RAB9B: variants seen among roughly 807,000 people sequenced by gnomAD.
RAB9B encodes RAB9B, member RAS oncogene family.
In RAB9B, 1 loss-of-function variant was observed where a neutral mutation model predicts 8.9. The ratio of observed to expected loss-of-function variants is 0.11; its 90% confidence interval spans 0.04 to 0.53. The LOEUF (loss-of-function observed/expected upper bound fraction) is 0.53, where lower values mean the gene tolerates loss of function less well. Ranked by LOEUF, RAB9B falls within the 20% of genes least tolerant of loss-of-function variation. The pLI, the probability that RAB9B is intolerant of heterozygous loss-of-function variation, is 0.93. For missense variants in RAB9B, 82 were observed against 152.9 expected (o/e 0.54, Z 2.45); for synonymous variants, 63 against 57.0 (o/e 1.10, Z -0.47).
rs886782141 is a variant in RAB9B at position 103,828,030 on chromosome X, C to T, written c.-116-952G>A. Among the ~76,000 whole-genome samples the T allele has an allele frequency of 4.5e-5, 5 of 111,650 alleles. No individual in the cohort carries two copies. The Admixed American group carries it at 4.8e-4, about 11-fold the overall frequency. ...GTGTTATTAAATTTAAATATACATT[C>T]ATCTAATATTATAATTAATTATGGC... On this transcript the variant is annotated intron_variant, in intron 1 of 2. Transcript: ENST00000243298.
chrX:103,804,145 C>G, the RAB9B span, among the ~76,000 whole-genome samples: 3 of 112,106 alleles, frequency 2.7e-5, no homozygotes, highest in East Asian at 8.4e-4. Flanking sequence ...ACCTTTACAT[C>G]TATAATTCAT....
At chrX:103,780,435 C>CTGTGTGTGTGTGTGTG in the RAB9B span, among the ~76,000 whole-genome samples, 399 of 68,333 alleles carry the variant, frequency 5.8e-3, 2 homozygotes, top group Non-Finnish European at 8.2e-3. Context: ...CATTCTGTCT[C>CTGTGTGTGTGTGTGTG]TCTCTGTGTG....
At chrX:103,778,550 G>T in the RAB9B span, among the ~76,000 whole-genome samples, 1 of 111,327 alleles carries the variant, frequency 9.0e-6, no homozygotes, top group Non-Finnish European at 1.9e-5. Context: ...TTCCTCAGGG[G>T]ATGAAATCCC....
the RAB9B span, among the ~76,000 whole-genome samples, chrX:103,813,888 T>TA: frequency 9.2e-6 from 1 of 109,036 alleles, no homozygotes; most frequent in East Asian, 2.9e-4. Context: ...AAGAGCTAAC[T>TA]ATCCTAAATA....
the RAB9B span, among the ~76,000 whole-genome samples, chrX:103,812,294 G>C: frequency 9.0e-6 from 1 of 111,451 alleles, no homozygotes; most frequent in Non-Finnish European, 1.9e-5. Flanking sequence ...ATATTAATTA[G>C]GGAGATATAT....
the RAB9B span, among the ~76,000 whole-genome samples, chrX:103,804,923 A>G: frequency 9.0e-6 from 1 of 111,527 alleles, no homozygotes; most frequent in Non-Finnish European, 1.9e-5. Flanking sequence ...ACAATTTTTT[A>G]ATATATAAAA....
At chrX:103,783,328 T>A in the RAB9B span, among the ~76,000 whole-genome samples, 1 of 112,670 alleles carries the variant, frequency 8.9e-6, no homozygotes. Flanking sequence ...AAACTCAGCC[T>A]CCACTCACAG....
chrX:103,786,774 T>C, the RAB9B span: 3 of 1,181,568 alleles, frequency 2.5e-6, no homozygotes, highest in Middle Eastern at 2.4e-4. Context: ...TGGGGGAAAA[T>C]TGGGCGCGAG....
the RAB9B span, among the ~76,000 whole-genome samples, chrX:103,796,186 T>C: frequency 8.9e-6 from 1 of 112,512 alleles, no homozygotes; most frequent in Non-Finnish European, 1.9e-5. Flanking sequence ...TTCAAAATAA[T>C]TGTCTGGGCA....
chrX:103,789,905 C>T, the RAB9B span, among the ~76,000 whole-genome samples: 7 of 111,949 alleles, frequency 6.3e-5, no homozygotes, highest in African/African-American at 2.3e-4. Flanking sequence ...TAATACAATG[C>T]TATGTCCCAG....
At chrX:103,797,386 G>A in the RAB9B span, among the ~76,000 whole-genome samples, 1 of 112,581 alleles carries the variant, frequency 8.9e-6, no homozygotes, top group East Asian at 2.8e-4. Flanking sequence ...CCCAAGGAAA[G>A]AGACTTTATT....
At chrX:103,820,291 A>G (rs1164489469), downstream of RAB9B, among the ~76,000 whole-genome samples, 2 of 112,232 alleles carry the variant, frequency 1.8e-5, no homozygotes, top group Non-Finnish European at 3.8e-5. Context: ...ACTGTAGTAA[A>G]TTTTACATTT....
the RAB9B span, chrX:103,787,594 C>A: frequency 4.4e-6 from 2 of 454,372 alleles, no homozygotes; most frequent in African/African-American, 2.4e-5. Context: ...ATTCCCCCCA[C>A]CCTCCGTTAT....
the RAB9B span, among the ~76,000 whole-genome samples, chrX:103,813,212 C>G: frequency 9.1e-6 from 1 of 110,333 alleles, no homozygotes. Flanking sequence ...TGAGCCAGCA[C>G]GTCCAGCATC....
the RAB9B span, among the ~76,000 whole-genome samples, chrX:103,799,934 C>G: frequency 1.8e-5 from 2 of 111,504 alleles, no homozygotes; most frequent in Admixed American, 9.5e-5. Flanking sequence ...TACTCTACCC[C>G]CAAGAGGACA....
intron 1 of RAB9B, among the ~76,000 whole-genome samples, chrX:103,828,788 C>G (rs1041865268): frequency 8.9e-6 from 1 of 111,872 alleles, no homozygotes; most frequent in Non-Finnish European, 1.9e-5. Flanking sequence ...TATGTGCACA[C>G]ATAACTTCTG....
chrX:103,803,714 G>T, the RAB9B span, among the ~76,000 whole-genome samples: 1 of 112,259 alleles, frequency 8.9e-6, no homozygotes, highest in Admixed American at 9.4e-5. Context: ...GAGTAGATGG[G>T]ATTACATGCA....
the RAB9B span, among the ~76,000 whole-genome samples, chrX:103,816,718 T>A: frequency 8.9e-6 from 1 of 111,976 alleles, no homozygotes; most frequent in African/African-American, 3.2e-5. Flanking sequence ...CTATACAGAA[T>A]TTAAACAAAT....
chrX:103,818,407 T>C (rs1430925163), downstream of RAB9B, among the ~76,000 whole-genome samples: 1 of 111,488 alleles, frequency 9.0e-6, no homozygotes, highest in African/African-American at 3.3e-5. Context: ...TGCCAGTATA[T>C]ATTAAAATTA....
Sources: gnomAD v4.1 joint callset for allele counts (sites outside exome capture counted in the v4.1 genomes callset) on GRCh38, gnomAD v4.1.1 for gene constraint, MANE v1.5 for transcripts, NCBI Gene and HGNC (gene_info 2026-07-23, HGNC 2026-07-21) for gene names.